PCDH7: variants seen among roughly 807,000 people sequenced by gnomAD.
PCDH7 encodes the protein protocadherin 7, also known as protocadherin-7.
Under a neutral mutation model 58.9 loss-of-function variants are expected in PCDH7, and 17 were observed. That is an observed-to-expected ratio of 0.29 (90% CI 0.20 to 0.43). PCDH7 has a LOEUF of 0.43. PCDH7 is among the 20% of genes least tolerant of loss of function. The pLI is 1.00. For missense variants in PCDH7, 1,274 were observed against 1,441.0 expected (o/e 0.88, Z 1.88); for synonymous variants, 664 against 616.4 (o/e 1.08, Z -1.14).
At chr4:30,897,944 G>A (rs1013664414) in intron 1 of PCDH7, among the ~76,000 whole-genome samples, 1 of 152,146 alleles carries the variant, frequency 6.6e-6, no homozygotes, top group Non-Finnish European at 1.5e-5. Flanking sequence ...TCTCTGCCTT[G>A]TAATGGTCTG....
intron 3 of PCDH7, among the ~76,000 whole-genome samples, chr4:31,118,160 G>A (rs1191777296): frequency 6.6e-6 from 1 of 152,132 alleles, no homozygotes; most frequent in Non-Finnish European, 1.5e-5. Context: ...CTGCATTTAA[G>A]TAAGATGTTC....
chr4:30,850,173 C>A (rs1211853229), intron 1 of PCDH7, among the ~76,000 whole-genome samples: 1 of 151,990 alleles, frequency 6.6e-6, no homozygotes, highest in Non-Finnish European at 1.5e-5. Context: ...GTGAAGAGTT[C>A]AACTGAGACT....
chr4:30,855,830 T>G (rs564734820), intron 1 of PCDH7, among the ~76,000 whole-genome samples: 169 of 152,130 alleles, frequency 1.1e-3, no homozygotes, highest in Non-Finnish European at 2.1e-3. Context: ...TTAAGAATCC[T>G]TCATTGGAGG....
At chr4:30,853,588 A>G (rs1733062900) in intron 1 of PCDH7, among the ~76,000 whole-genome samples, 1 of 152,086 alleles carries the variant, frequency 6.6e-6, no homozygotes, top group African/African-American at 2.4e-5. Flanking sequence ...TTTTAATCAA[A>G]CATGTTAGGG....
At chr4:30,789,501 C>A (rs1363015570) in intron 1 of PCDH7, among the ~76,000 whole-genome samples, 1 of 152,182 alleles carries the variant, frequency 6.6e-6, no homozygotes, top group African/African-American at 2.4e-5. Flanking sequence ...TTGCAAAGTG[C>A]CTCACACAGA....
At chr4:30,724,088 T>C (rs1264821297) in exon 1 of PCDH7, 2 of 1,614,068 alleles carry the variant, frequency 1.2e-6, no homozygotes, top group South Asian at 2.2e-5. Context: ...GCTGGCATTA[T>C]GACGGTGATT....
chr4:30,783,847 C>T (rs1407347177), intron 1 of PCDH7, among the ~76,000 whole-genome samples: 1 of 151,946 alleles, frequency 6.6e-6, no homozygotes, highest in East Asian at 1.9e-4. Context: ...TTAATTTAGC[C>T]TCTGGGGTAT....
Position 30,723,909 on chromosome 4 carries a change from G to A in PCDH7, c.2487G>A (p.Gln829=). ...TGAATGACAGTGGGCAGCCTTCCCAGTCCACCACGACTCTGGTGCACGTGT... is the reference window on the plus strand; with the variant it reads ...TGAATGACAGTGGGCAGCCTTCCCAATCCACCACGACTCTGGTGCACGTGT... The change falls in exon 1 of 2, where the codon CAG becomes CAA. Residue 829 remains glutamine, a synonymous_variant. Coordinates refer to ENST00000361762, the Ensembl canonical transcript of PCDH7. The surrounding 1 kb of genome is among the most constrained non-coding windows in gnomAD (Gnocchi z 4.6). The A allele has an allele frequency of 6.2e-7, 1 of 1,613,900 alleles. No homozygotes were observed. Among genetic ancestry groups the A allele is most frequent in the Non-Finnish European group, 8.5e-7 (1 of 1,180,016 alleles).
At chr4:31,108,030 C>T (rs1365827420) in intron 3 of PCDH7, among the ~76,000 whole-genome samples, 2 of 152,040 alleles carry the variant, frequency 1.3e-5, no homozygotes, top group African/African-American at 4.8e-5. Context: ...TATAGTACTT[C>T]TGCATTTTTT....
chr4:31,103,999 A>T (rs1009190650), intron 3 of PCDH7, among the ~76,000 whole-genome samples: 1 of 152,156 alleles, frequency 6.6e-6, no homozygotes, highest in Non-Finnish European at 1.5e-5. Flanking sequence ...CCTTGACTGT[A>T]ATGCTCGCTG....
At chr4:31,020,662 A>G (rs1753952046) in intron 3 of PCDH7, among the ~76,000 whole-genome samples, 1 of 152,192 alleles carries the variant, frequency 6.6e-6, no homozygotes, top group South Asian at 2.1e-4. Flanking sequence ...CAGAAACTAA[A>G]CACTTTGTCT....
At chr4:30,919,480 G>A (rs1451373147) in intron 1 of PCDH7, among the ~76,000 whole-genome samples, 1 of 152,074 alleles carries the variant, frequency 6.6e-6, no homozygotes, top group Non-Finnish European at 1.5e-5. Context: ...ATCACAAACA[G>A]TAATATTAAG....
chr4:30,913,157 G>T (rs1239962737), intron 1 of PCDH7, among the ~76,000 whole-genome samples: 1 of 151,478 alleles, frequency 6.6e-6, no homozygotes, highest in African/African-American at 2.4e-5. Flanking sequence ...TATTCTGAAA[G>T]CAGAATACAT....
chr4:30,933,712 C>T (rs778883642), intron 2 of PCDH7, among the ~76,000 whole-genome samples: 1 of 152,096 alleles, frequency 6.6e-6, no homozygotes, highest in Non-Finnish European at 1.5e-5. Flanking sequence ...TGGTAGTTAC[C>T]TGCTGTTACT....
chr4:30,942,525 C>G (rs1746162322), intron 2 of PCDH7, among the ~76,000 whole-genome samples: 1 of 151,952 alleles, frequency 6.6e-6, no homozygotes, highest in Admixed American at 6.6e-5. Context: ...AATGTTCTAT[C>G]CCTCAAGGAT....
At chr4:30,916,136 T>C (rs1277816088) in intron 1 of PCDH7, among the ~76,000 whole-genome samples, 2 of 152,112 alleles carry the variant, frequency 1.3e-5, no homozygotes, top group African/African-American at 4.8e-5. Context: ...TAAATGGAGG[T>C]CTAGTGAATT....
chr4:31,008,955 C>T (rs1002064707), intron 3 of PCDH7, among the ~76,000 whole-genome samples: 1 of 152,082 alleles, frequency 6.6e-6, no homozygotes, highest in Non-Finnish European at 1.5e-5. Context: ...ACTACTGCCA[C>T]ACTGTATGTC....
At chr4:31,125,388 T>C (rs1232178155) in intron 3 of PCDH7, among the ~76,000 whole-genome samples, 1 of 152,224 alleles carries the variant, frequency 6.6e-6, no homozygotes, top group Non-Finnish European at 1.5e-5. Context: ...CATCCAGAGA[T>C]GCTACTTTTC....
At chr4:30,958,623 T>C (rs1198197923) in intron 3 of PCDH7, among the ~76,000 whole-genome samples, 1 of 151,986 alleles carries the variant, frequency 6.6e-6, no homozygotes, top group South Asian at 2.1e-4. Context: ...GTTTTAATAA[T>C]ATTTTAACAA....
Sources: allele counts gnomAD v4.1 joint callset (sites outside exome capture counted in the v4.1 genomes callset), GRCh38; gene constraint gnomAD v4.1.1; non-coding constraint Gnocchi (gnomAD v3.1); transcripts MANE v1.5; gene names NCBI Gene and HGNC (gene_info 2026-07-23, HGNC 2026-07-21).